ASTN1: variants seen among roughly 807,000 people sequenced by gnomAD.
ASTN1 encodes the protein astrotactin-1.
In ASTN1, 41 loss-of-function variants were observed where a neutral mutation model predicts 140.7. The observed-to-expected ratio is 0.29, with a 90% CI of 0.23 to 0.38. The LOEUF is 0.38. Ranked by LOEUF, ASTN1 falls within the 10% of genes least tolerant of loss-of-function variation. ASTN1 has a pLI of 1.00. For synonymous variants in ASTN1, 640 were observed against 652.2 expected (o/e 0.98, Z 0.29); for missense variants, 1,479 against 1,678.8 (o/e 0.88, Z 2.08).
chr1:177,029,767 A>C (rs747922861), intron 4 of ASTN1, 26 bp from the exon 5 acceptor site: 1 of 1,590,878 alleles, frequency 6.3e-7, no homozygotes, highest in Non-Finnish European at 8.6e-7. Context: ...CATGGTCAAG[A>C]AAGCGTTTTC....
At chr1:176,922,711 C>G (rs940425429) in intron 16 of ASTN1, among the ~76,000 whole-genome samples, 1 of 152,078 alleles carries the variant, frequency 6.6e-6, no homozygotes, top group African/African-American at 2.4e-5. Context: ...AGGTTTGACC[C>G]TGCTGTTCCA....
chr1:177,161,438 G>C (rs1292814661), intron 1 of ASTN1, among the ~76,000 whole-genome samples: 3 of 152,182 alleles, frequency 2.0e-5, no homozygotes, highest in Non-Finnish European at 4.4e-5. Flanking sequence ...TTGCACGTTT[G>C]TGAGTGTTTT....
intron 16 of ASTN1, among the ~76,000 whole-genome samples, chr1:176,914,934 T>C (rs1670418049): frequency 6.6e-6 from 1 of 152,214 alleles, no homozygotes; most frequent in Admixed American, 6.5e-5. Flanking sequence ...TCTTTCTAAG[T>C]AGGTTTGTAG....
At chr1:176,961,438 T>C (rs781469275) in intron 9 of ASTN1, among the ~76,000 whole-genome samples, 1 of 152,158 alleles carries the variant, frequency 6.6e-6, no homozygotes, top group Non-Finnish European at 1.5e-5. Flanking sequence ...GACTAACCTT[T>C]GCAGAGAACT....
chr1:177,021,268 G>T (rs1346016570), intron 7 of ASTN1, among the ~76,000 whole-genome samples: 1 of 152,160 alleles, frequency 6.6e-6, no homozygotes, highest in African/African-American at 2.4e-5. Context: ...TTTCCAATAG[G>T]AAATTCATTC....
At chr1:176,967,271 T>C (rs1274696367) in intron 8 of ASTN1, among the ~76,000 whole-genome samples, 1 of 152,222 alleles carries the variant, frequency 6.6e-6, no homozygotes, top group Non-Finnish European at 1.5e-5. Context: ...TGTTCATCAT[T>C]GTAGGTGAAC....
chr1:177,131,872 T>C (rs2102204292), intron 1 of ASTN1, among the ~76,000 whole-genome samples: 1 of 152,190 alleles, frequency 6.6e-6, no homozygotes, highest in South Asian at 2.1e-4. Context: ...GCCAGGGTGA[T>C]GATGGGGAAG....
intron 1 of ASTN1, among the ~76,000 whole-genome samples, chr1:177,134,821 T>C (rs557535169): frequency 2.0e-5 from 3 of 152,052 alleles, no homozygotes; most frequent in South Asian, 4.1e-4. Context: ...GTATAATCAT[T>C]ATTTTCAGAT....
intron 2 of ASTN1, among the ~76,000 whole-genome samples, chr1:177,046,586 C>T (rs551864230): frequency 2.4e-4 from 36 of 152,256 alleles, no homozygotes; most frequent in Middle Eastern, 3.4e-3. Flanking sequence ...TACCATGCCT[C>T]GTGACACTCA....
intron 1 of ASTN1, among the ~76,000 whole-genome samples, chr1:177,062,684 C>A (rs966137952): frequency 6.6e-6 from 1 of 152,094 alleles, no homozygotes; most frequent in East Asian, 1.9e-4. Flanking sequence ...AGTACCACAA[C>A]CATAAAAAGG....
rs372020637 is a variant in ASTN1, at chr1:177,075,702, A to G, written c.284-14437T>C. Among the ~76,000 whole-genome samples the G allele has an allele frequency of 9.5e-4, 128 of 134,772 alleles. 1 individual carries two copies. Among genetic ancestry groups the G allele is most frequent in the African/African-American group, 3.6e-3 (126 of 34,816 alleles). The allele number at this position is 134,772 out of a possible 152,430, so 88.4% of individuals were successfully genotyped here. A position where few individuals can be genotyped will look rare whatever the true frequency, so the allele number is the denominator to read the frequency against. ...CGCTCTGTTGCCCAGGCTGGAGTGC[A>G]GTGGTGCATTCATAGCTCATTGCAG... On this transcript the variant is annotated intron_variant, in intron 1 of 22. Coordinates refer to ENST00000361833, the MANE Select transcript of ASTN1 (RefSeq NM_004319.3).
intron 1 of ASTN1, among the ~76,000 whole-genome samples, chr1:177,091,182 T>C (rs903997019): frequency 3.9e-5 from 6 of 152,204 alleles, no homozygotes; most frequent in African/African-American, 1.4e-4. Flanking sequence ...CTCAAAAGTC[T>C]AGGTGTCATC....
intron 16 of ASTN1, among the ~76,000 whole-genome samples, chr1:176,913,896 A>T (rs1355148916): frequency 6.6e-6 from 1 of 152,236 alleles, no homozygotes; most frequent in Non-Finnish European, 1.5e-5. Flanking sequence ...AGAAAAGTTT[A>T]ACCAACATTT....
intron 20 of ASTN1, among the ~76,000 whole-genome samples, chr1:176,882,013 C>T (rs1668821617): frequency 6.6e-6 from 1 of 152,180 alleles, no homozygotes; most frequent in African/African-American, 2.4e-5. Context: ...TGCCTTAGCA[C>T]CCAAATTTTT....
At chr1:176,963,930 C>T (rs1342987400) in intron 9 of ASTN1, among the ~76,000 whole-genome samples, 2 of 152,178 alleles carry the variant, frequency 1.3e-5, no homozygotes, top group African/African-American at 4.8e-5. Context: ...GTAGCCAACG[C>T]CATTAGCTTC....
chr1:177,026,019 T>C (rs1213496369), intron 5 of ASTN1, among the ~76,000 whole-genome samples: 1 of 152,178 alleles, frequency 6.6e-6, no homozygotes, highest in Non-Finnish European at 1.5e-5. Flanking sequence ...ACAGGAACAA[T>C]GCACTACTCA....
At position 176,974,690 on chromosome 1, in the gene ASTN1, A is replaced by C. The variant is rs527325392; in HGVS notation, c.1524-9453T>G. Among the ~76,000 whole-genome samples, 3 of 152,294 alleles carry C rather than the reference A, an allele frequency of 2.0e-5. No individual in the cohort carries two copies. In the South Asian group the frequency reaches 6.2e-4, roughly 32 times the overall value. On this transcript the variant is annotated intron_variant, in intron 8 of 22. Coordinates refer to ENST00000361833, the MANE Select transcript of ASTN1 (RefSeq NM_004319.3). ...GTGAGCCACCGCACCCAGCCTGAAA[A>C]GAAATTTTATAGATATATCAAATGA...
intron 22 of ASTN1, among the ~76,000 whole-genome samples, chr1:176,864,848 A>G (rs1182664466): frequency 1.3e-5 from 2 of 152,192 alleles, no homozygotes; most frequent in Non-Finnish European, 2.9e-5. Flanking sequence ...AAATCAAATC[A>G]AGTTTCTTTA....
chr1:176,946,006 G>C lies in ASTN1; in HGVS notation c.2169C>G (p.Thr723=). The change falls in exon 13 of 23, where the codon ACC becomes ACG. Residue 723 remains threonine, a synonymous_variant. Coordinates refer to ENST00000361833, the MANE Select transcript of ASTN1 (RefSeq NM_004319.3). ...GESRELPMNQ[T]LFGEMFFGYN... ...AACCAAAGAACATCTCCCCAAAGAG[G>C]GTCTGGTTCATGGGAAGCTCCCTGC... The C allele has an allele frequency of 6.2e-7, 1 of 1,614,064 alleles. No individual in the cohort carries two copies. The highest frequency in any genetic ancestry group is 8.5e-7 in the Non-Finnish European group (1 of 1,179,978).
Sources: allele counts gnomAD v4.1 joint callset (sites outside exome capture counted in the v4.1 genomes callset), GRCh38; gene constraint gnomAD v4.1.1; transcripts MANE v1.5; gene names NCBI Gene and HGNC (gene_info 2026-07-23, HGNC 2026-07-21).